CAMSAP3: variants seen among roughly 807,000 people sequenced by gnomAD.
CAMSAP3 encodes calmodulin-regulated spectrin-associated protein 3.
CAMSAP3 carries 34 observed loss-of-function variants against 112.5 expected under a neutral mutation model. That is an observed-to-expected ratio of 0.30 (90% CI 0.23 to 0.40). The LOEUF is 0.40. Among genes scored for constraint, CAMSAP3 ranks in the 10% least tolerant of loss-of-function variants. The pLI is 1.00. For missense variants in CAMSAP3, 1,602 were observed against 1,770.3 expected (o/e 0.90, Z 1.71); for synonymous variants, 868 against 799.8 (o/e 1.09, Z -1.44).
At chr19:7,616,112 G>A (rs188682521) in intron 13 of CAMSAP3, among the ~76,000 whole-genome samples, 1 of 152,122 alleles carries the variant, frequency 6.6e-6, no homozygotes, top group African/African-American at 2.4e-5. Flanking sequence ...GCTTGAGCCT[G>A]GGAGGTGGAG....
At position 7,608,709 on chromosome 19, in the gene CAMSAP3, AC is replaced by A. The variant is rs2030335851; in HGVS notation, c.760+446del. ...GAGTGTAATGGCATGATCTCGGCTC[AC>A]TGCAACCTCCACCTCCCAGGTTCAA... On this transcript the variant is annotated intron_variant, in intron 5 of 16. Transcript: ENST00000160298. Among the ~76,000 whole-genome samples the A allele has an allele frequency of 2.1e-5, 3 of 144,956 alleles. No homozygotes were observed. In the Admixed American group the frequency reaches 2.2e-4, roughly 11 times the overall value.
intron 1 of CAMSAP3, among the ~76,000 whole-genome samples, chr19:7,604,774 G>A (rs2030120758): frequency 6.6e-6 from 1 of 152,196 alleles, no homozygotes. Flanking sequence ...TCTGTAACAT[G>A]GGGGTTGCCA....
intron 13 of CAMSAP3, chr19:7,616,290 G>C: frequency 2.0e-6 from 1 of 488,594 alleles, no homozygotes; most frequent in Non-Finnish European, 3.7e-6. Flanking sequence ...ACCTTTGGGA[G>C]TATGTTTGGG....
At position 7,606,553 on chromosome 19, in the gene CAMSAP3, G is replaced by A. The variant is rs370618525; in HGVS notation, c.603G>A (p.Ala201=). Residue 201 remains alanine, a synonymous_variant, in exon 4 of 17, where the codon GCG becomes GCA. Transcript: ENST00000160298. ...RASPAAPADG[A]APAQPSIRYR... Reference sequence around the variant, plus strand: ...CTCCAGCAGCCCCTGCAGACGGGGCGGCCCCGGCGCAGCCCTCGGTGAGGC... The same window carrying A: ...CTCCAGCAGCCCCTGCAGACGGGGCAGCCCCGGCGCAGCCCTCGGTGAGGC... 19 of 1,540,050 alleles carry A rather than the reference G, an allele frequency of 1.2e-5. No individual in the cohort carries two copies. The highest frequency in any genetic ancestry group is 2.7e-5 in the African/African-American group (2 of 73,382).
In CAMSAP3 at chr19:7,608,176, G is replaced by T. The variant is rs376006296; in HGVS notation, c.672G>T (p.Pro224=). The part of the protein sequence containing the change: ...RVVARRAPCF[P]TVTSLQDLAS... The stretch of plus-strand genomic sequence containing the variant: ...TGGCGCGACGTGCCCCCTGCTTCCC[G>T]ACGGTGACCAGCCTCCAGGACCTGG... The change falls in exon 5 of 17, where the codon CCG becomes CCT. Residue 224 remains proline, a synonymous_variant. Coordinates refer to ENST00000160298, the MANE Select transcript of CAMSAP3 (RefSeq NM_020902.2). The T allele has an allele frequency of 6.2e-7, 1 of 1,612,528 alleles. No homozygotes were observed. The highest frequency in any genetic ancestry group is 1.1e-5 in the South Asian group (1 of 91,080).
rs1555763682 is a variant in CAMSAP3 at position 7,616,949 on chromosome 19, T to TTTG, written c.3212+329_3212+330insGTT. On this transcript the variant is annotated intron_variant, in intron 14 of 16. Transcript: ENST00000160298. ...TGTGGCCCGCCTTTTTTTTTTTTTT[T>TTTG]TTTTTTTTTGTTTTTTTGAGAGGGA... Among the ~76,000 whole-genome samples the TTTG allele has an allele frequency of 3.5e-5, 5 of 142,562 alleles. No individual in the cohort carries two copies. The East Asian group carries it at 8.5e-4, about 24-fold the overall frequency. 93.5% of individuals were successfully genotyped at this position (142,562 alleles called of 152,430 possible). A position where few individuals can be genotyped will look rare whatever the true frequency, so the allele number is the denominator to read the frequency against.
chr19:7,596,010 A>G lies in CAMSAP3; in HGVS notation c.8A>G (p.Glu3Gly). 6 of 1,110,380 alleles carry G rather than the reference A, an allele frequency of 5.4e-6. No individual in the cohort carries two copies. The highest frequency in any genetic ancestry group is 4.5e-6 in the Non-Finnish European group (4 of 893,284). 68.8% of individuals were successfully genotyped at this position (1,110,380 alleles called of 1,614,324 possible). Residue 3 changes from glutamate to glycine, a missense_variant, in exon 1 of 17, where the codon GAG becomes GGG. Glu to Gly is a moderately conservative substitution (Grantham distance 98, BLOSUM62 -2). Coordinates refer to ENST00000160298, the MANE Select transcript of CAMSAP3 (RefSeq NM_020902.2). ...CGCAGCCCCGGCGCCGCCATGGTGGAGGCGGCGCCCCCCGGGCCCGGGCCG... is the reference window on the plus strand; with the variant it reads ...CGCAGCCCCGGCGCCGCCATGGTGGGGGCGGCGCCCCCCGGGCCCGGGCCG... MV[E>G]AAPPGPGPLR...
Position 7,613,980 on chromosome 19 carries a change from G to A in CAMSAP3, c.2670+817G>A, listed in dbSNP as rs1244867377. On this transcript the variant is annotated intron_variant, in intron 11 of 16. Transcript: ENST00000160298. Reference sequence around the variant, plus strand: ...TTAGAATGAAAGTCCTCCCCAGGGTGGCCGGGCGCAGTGGCTCATGCCTGT... The same window carrying A: ...TTAGAATGAAAGTCCTCCCCAGGGTAGCCGGGCGCAGTGGCTCATGCCTGT... Among the ~76,000 whole-genome samples, 9 of 152,234 alleles carry A rather than the reference G, an allele frequency of 5.9e-5. No homozygotes were observed. In the East Asian group the frequency reaches 1.4e-3, roughly 23 times the overall value.
At chr19:7,605,981 C>CA (rs1323389381) in intron 2 of CAMSAP3, among the ~76,000 whole-genome samples, 1 of 152,170 alleles carries the variant, frequency 6.6e-6, no homozygotes, top group African/African-American at 2.4e-5. Flanking sequence ...CCCAGCTCCC[C>CA]AAAAAGGCGC....
At position 7,613,142 on chromosome 19, in the gene CAMSAP3, G is replaced by A. The variant is rs1341703770; in HGVS notation, c.2649G>A (p.Val883=). 3 of 1,539,430 alleles carry A rather than the reference G, an allele frequency of 1.9e-6. No homozygotes were observed. Among genetic ancestry groups the A allele is most frequent in the African/African-American group, 2.8e-5 (2 of 72,268 alleles). The change falls in exon 11 of 17, where the codon GTG becomes GTA. Residue 883 remains valine (V), a synonymous_variant. Transcript: ENST00000160298. The part of the protein sequence containing the change: ...EEASSEGEPR[V]GLGFFYKDED... Reference sequence around the variant, plus strand: ...CGTCTTCGGAGGGGGAGCCCCGGGTGGGGCTGGGGTTCTTCTACAAGGTGA... The same window carrying A: ...CGTCTTCGGAGGGGGAGCCCCGGGTAGGGCTGGGGTTCTTCTACAAGGTGA...
At position 7,615,283 on chromosome 19, in the gene CAMSAP3, A is replaced by G. The variant is rs1179715508; in HGVS notation, c.2771A>G (p.Gln924Arg). 3.2e-6 allele frequency: 5 copies of G among 1,549,070 alleles called. No individual in the cohort carries two copies. Among genetic ancestry groups the G allele is most frequent in the Non-Finnish European group, 4.4e-6 (5 of 1,146,320 alleles). ...AEEARRRKQW[Q>R]EVEKEQRREE... ...GAGGCGCGGCGGCGCAAGCAGTGGCAGGAGGTGGAGAAGGAACAGCGGAGG... is the reference window on the plus strand; with the variant it reads ...GAGGCGCGGCGGCGCAAGCAGTGGCGGGAGGTGGAGAAGGAACAGCGGAGG... The change falls in exon 12 of 17, where the codon CAG becomes CGG. Residue 924 changes from glutamine to arginine, a missense_variant. Coordinates refer to ENST00000160298, the MANE Select transcript of CAMSAP3 (RefSeq NM_020902.2). This position sits in a 1 kb window ranked among gnomAD's most constrained non-coding sequence, Gnocchi z 6.5.
intron 5 of CAMSAP3, among the ~76,000 whole-genome samples, chr19:7,608,644 T>G (rs1391893812): frequency 6.6e-6 from 1 of 151,300 alleles, no homozygotes; most frequent in Non-Finnish European, 1.5e-5. Flanking sequence ...TTTTTTTTTT[T>G]TTTTTTTGAG....
intron 5 of CAMSAP3, among the ~76,000 whole-genome samples, chr19:7,609,786 C>T (rs1230921201): frequency 2.0e-5 from 3 of 152,060 alleles, no homozygotes; most frequent in Non-Finnish European, 4.4e-5. Context: ...ATCAGGCATT[C>T]GATTTTCATA....
chr19:7,615,505 CGAG>C lies in CAMSAP3; in HGVS notation c.2906_2908del (p.Glu969del), dbSNP rs1309739107. 6 of 1,538,938 alleles carry C rather than the reference CGAG, an allele frequency of 3.9e-6. No homozygotes were observed. Among genetic ancestry groups the C allele is most frequent in the Non-Finnish European group, 4.4e-6 (5 of 1,144,778 alleles). ...CAGCCCCTGCTGCCCGGGCTCCAGC[CGAG>C]GAGGAGGTGGGCCCCCGGAAGGGGG... On this transcript the variant is annotated inframe_deletion, in exon 13 of 17. Coordinates refer to ENST00000160298, the MANE Select transcript of CAMSAP3 (RefSeq NM_020902.2). This position sits in a 1 kb window ranked among gnomAD's most constrained non-coding sequence, Gnocchi z 6.5.
At chr19:7,613,781 C>T (rs760743376) in intron 11 of CAMSAP3, among the ~76,000 whole-genome samples, 20 of 152,054 alleles carry the variant, frequency 1.3e-4, no homozygotes, top group East Asian at 3.9e-4. Flanking sequence ...GCCCCCAGCA[C>T]GCTCCTACCA....
chr19:7,617,743 C>G lies in CAMSAP3; in HGVS notation c.3445-9C>G, dbSNP rs755021418. Reference sequence around the variant, plus strand: ...TGGCCAGCTGACCATTTCCAGCACTCCTGCCCAGGAAATTGAGAAAAGCAA... The same window carrying G: ...TGGCCAGCTGACCATTTCCAGCACTGCTGCCCAGGAAATTGAGAAAAGCAA... On this transcript the variant is annotated splice_polypyrimidine_tract_variant and intron_variant, in intron 16 of 16. Coordinates refer to ENST00000160298, the MANE Select transcript of CAMSAP3 (RefSeq NM_020902.2). The surrounding 1 kb of genome is among the most constrained non-coding windows in gnomAD (Gnocchi z 7.5). 6.2e-7 allele frequency: 1 copy of G among 1,611,790 alleles called. No homozygotes were observed. The highest frequency in any genetic ancestry group is 8.5e-7 in the Non-Finnish European group (1 of 1,178,208).
rs755761477 is a variant in CAMSAP3 at position 7,605,190 on chromosome 19, C to T, written c.149-36C>T. ...TGTGTGTGTGTGTTGTATCTGGTGA[C>T]CCTGACCCCCGTGTTTCCCCTCTAT... is the stretch of plus-strand genomic sequence containing the variant. On this transcript the variant is annotated intron_variant, in intron 1 of 16. Transcript: ENST00000160298. The T allele has an allele frequency of 1.5e-5, 17 of 1,124,022 alleles. No individual in the cohort carries two copies. The Admixed American group carries it at 3.3e-4, about 22-fold the overall frequency. The allele number at this position is 1,124,022 out of a possible 1,614,324, so 69.6% of individuals were successfully genotyped here. A position where few individuals can be genotyped will look rare whatever the true frequency, so the allele number is the denominator to read the frequency against.
chr19:7,604,643 C>A (rs950324362), intron 1 of CAMSAP3, among the ~76,000 whole-genome samples: 3 of 151,756 alleles, frequency 2.0e-5, no homozygotes, highest in Admixed American at 2.0e-4. Flanking sequence ...CCCACTCATC[C>A]CCCCCTGCCT....
Position 7,606,547 on chromosome 19 carries a change from C to A in CAMSAP3, c.597C>A (p.Asp199Glu). The A allele has an allele frequency of 6.5e-7, 1 of 1,544,794 alleles. No individual in the cohort carries two copies. Among genetic ancestry groups the A allele is most frequent in the Non-Finnish European group, 8.7e-7 (1 of 1,151,804 alleles). ...GAGCCTCTCCAGCAGCCCCTGCAGA[C>A]GGGGCGGCCCCGGCGCAGCCCTCGG... ...AQRASPAAPA[D>E]GAAPAQPSIR... The change falls in exon 4 of 17, where the codon GAC becomes GAA. Residue 199 changes from aspartate to glutamate, a missense_variant. Around this residue, in one of 6 missense-constraint regions of CAMSAP3, gnomAD observed 112 missense variants for 94.2 expected, o/e 1.19. Transcript: ENST00000160298.
Sources: gnomAD v4.1 joint callset for allele counts (sites outside exome capture counted in the v4.1 genomes callset) on GRCh38, gnomAD v4.1.1 for gene constraint, gnomAD v4.1.1 regional missense constraint, Gnocchi (gnomAD v3.1) non-coding constraint, MANE v1.5 for transcripts, NCBI Gene and HGNC (gene_info 2026-07-23, HGNC 2026-07-21) for gene names.